Variants in MELK observed in about 807,000 individuals in gnomAD.
MELK encodes maternal embryonic leucine zipper kinase.
MELK carries 81 observed loss-of-function variants against 85.0 expected under a neutral mutation model. The observed-to-expected ratio is 0.95, with a 90% CI of 0.80 to 1.15. The LOEUF is 1.15. MELK is among the 50% of genes most tolerant of loss of function. The pLI, the probability that MELK is intolerant of heterozygous loss-of-function variation, is 0.00. For missense variants in MELK, 754 were observed against 777.5 expected, an observed-to-expected ratio of 0.97 and a Z score of 0.36; for synonymous variants, 252 against 265.0, an observed-to-expected ratio of 0.95 and a Z score of 0.48.
intron 14 of MELK, among the ~76,000 whole-genome samples, chr9:36,666,341 G>A (rs1832333949): frequency 6.6e-6 from 1 of 152,078 alleles, no homozygotes; most frequent in Non-Finnish European, 1.5e-5. Context: ...TGACAGTAGA[G>A]ACTCTCTGCC....
intron 2 of MELK, 94 bp from the exon 3 acceptor site, chr9:36,583,533 T>C: frequency 1.5e-6 from 1 of 684,472 alleles, no homozygotes; most frequent in Non-Finnish European, 2.2e-6. Flanking sequence ...CTAGGAAAAT[T>C]TGGCTTGATA....
chr9:36,666,487 G>T (rs962860432), intron 14 of MELK, among the ~76,000 whole-genome samples: 1 of 152,138 alleles, frequency 6.6e-6, no homozygotes, highest in African/African-American at 2.4e-5. Flanking sequence ...GAGCCCAAAG[G>T]AATTTTATTT....
chr9:36,589,073 A>G (rs1427993064), intron 3 of MELK, among the ~76,000 whole-genome samples: 1 of 152,144 alleles, frequency 6.6e-6, no homozygotes, highest in Non-Finnish European at 1.5e-5. Flanking sequence ...CTTTTTATGC[A>G]CATGCAAATA....
intron 10 of MELK, among the ~76,000 whole-genome samples, chr9:36,636,860 C>T (rs1053317882): frequency 6.7e-6 from 1 of 148,834 alleles, no homozygotes; most frequent in Non-Finnish European, 1.5e-5. Flanking sequence ...TCTTTCTTAC[C>T]GAGTCTCACT....
At chr9:36,664,435 G>A (rs1010476743) in intron 13 of MELK, among the ~76,000 whole-genome samples, 9 of 152,124 alleles carry the variant, frequency 5.9e-5, no homozygotes, top group South Asian at 2.1e-4. Context: ...GGAGTTGTGC[G>A]TGCTTCTACC....
rs1314966329 is a variant in MELK at position 36,677,649 on chromosome 9, A to C, written c.*312A>C. The C allele has an allele frequency of 5.4e-6, 1 of 185,070 alleles. No homozygotes were observed. The highest frequency in any genetic ancestry group is 2.3e-5 in the African/African-American group (1 of 42,750). The allele number at this position is 185,070 out of a possible 1,614,324, so 11.5% of individuals were successfully genotyped here. On this transcript the variant is annotated 3_prime_UTR_variant, in exon 18 of 18. Coordinates refer to ENST00000298048, the MANE Select transcript of MELK (RefSeq NM_014791.4). ...TAACTATGTCTCTTTGTAATGTGTA[A>C]TTTCTTTCTGAAATAAAACCATTTG...
intron 11 of MELK, among the ~76,000 whole-genome samples, chr9:36,649,444 G>A (rs866851285): frequency 3.3e-5 from 5 of 151,958 alleles, no homozygotes; most frequent in East Asian, 1.9e-4. Context: ...CCAAGATCGC[G>A]CCACTGCACT....
intron 8 of MELK, among the ~76,000 whole-genome samples, chr9:36,611,656 T>G (rs2135944545): frequency 6.6e-6 from 1 of 152,210 alleles, no homozygotes; most frequent in East Asian, 1.9e-4. Context: ...TTTCTTTGTC[T>G]GTAAAAATGG....
intron 7 of MELK, among the ~76,000 whole-genome samples, chr9:36,606,180 T>C (rs951191223): frequency 2.7e-5 from 4 of 150,580 alleles, no homozygotes; most frequent in Non-Finnish European, 4.4e-5. Context: ...TTCTAGTGTC[T>C]CTCTCTCTCT....
intron 1 of MELK, among the ~76,000 whole-genome samples, chr9:36,573,823 A>G (rs1252826585): frequency 1.3e-5 from 2 of 152,038 alleles, no homozygotes; most frequent in Admixed American, 1.3e-4. Flanking sequence ...GGGAATTTTC[A>G]CCGAATGCTG....
intron 12 of MELK, among the ~76,000 whole-genome samples, 165 bp downstream of exon 12, chr9:36,652,042 A>ATTTTTTTTT (rs11465173): frequency 7.7e-5 from 7 of 91,394 alleles, no homozygotes; most frequent in Non-Finnish European, 1.2e-4. Context: ...TTGAACTCTA[A>ATTTTTTTTT]TTTTTTTTTT....
chr9:36,587,600 C>T (rs1357511866), intron 3 of MELK, among the ~76,000 whole-genome samples: 2 of 150,262 alleles, frequency 1.3e-5, no homozygotes, highest in African/African-American at 2.5e-5. Context: ...CAGGCATGAG[C>T]CACTGTAGAG....
At chr9:36,650,474 C>T (rs1329824925) in intron 11 of MELK, among the ~76,000 whole-genome samples, 1 of 152,038 alleles carries the variant, frequency 6.6e-6, no homozygotes, top group African/African-American at 2.4e-5. Context: ...GAATCAAAAC[C>T]TAAATGACTA....
chr9:36,627,716 G>A (rs1364770267), intron 8 of MELK, among the ~76,000 whole-genome samples: 2 of 151,648 alleles, frequency 1.3e-5, no homozygotes, highest in Non-Finnish European at 2.9e-5. Flanking sequence ...TAGTAGAGAC[G>A]GGGTTTCTCC....
intron 12 of MELK, among the ~76,000 whole-genome samples, chr9:36,652,729 C>CAAAAAAAAAAA (rs745699767): frequency 1.1e-5 from 1 of 95,068 alleles, no homozygotes; most frequent in African/African-American, 4.0e-5. Context: ...GACTCTGTCT[C>CAAAAAAAAAAA]AAAAAAAAAA....
intron 10 of MELK, among the ~76,000 whole-genome samples, chr9:36,642,659 C>A (rs1161042644): frequency 6.6e-6 from 1 of 151,964 alleles, no homozygotes; most frequent in Non-Finnish European, 1.5e-5. Flanking sequence ...AAACTCCTGA[C>A]CTCAGGTGAT....
intron 8 of MELK, among the ~76,000 whole-genome samples, chr9:36,615,090 C>G (rs1826481144): frequency 6.9e-6 from 1 of 144,044 alleles, no homozygotes; most frequent in Admixed American, 6.7e-5. Context: ...CCACCTCCCT[C>G]CCGGACGGGG....
intron 7 of MELK, among the ~76,000 whole-genome samples, chr9:36,600,703 A>G (rs1824832542): frequency 6.6e-6 from 1 of 152,134 alleles, no homozygotes; most frequent in Non-Finnish European, 1.5e-5. Context: ...CAAATCTTTA[A>G]TGTGCTCTTG....
chr9:36,649,211 G>A (rs1204660129), intron 11 of MELK, among the ~76,000 whole-genome samples: 1 of 152,160 alleles, frequency 6.6e-6, no homozygotes, highest in African/African-American at 2.4e-5. Flanking sequence ...GGTGGGCTAG[G>A]TGCGGCGGCT....
Sources: allele counts gnomAD v4.1 joint callset (sites outside exome capture counted in the v4.1 genomes callset), GRCh38; gene constraint gnomAD v4.1.1; transcripts MANE v1.5; gene names NCBI Gene and HGNC (gene_info 2026-07-23, HGNC 2026-07-21).